The following TVP23A variants were observed in gnomAD, a reference collection of about 807,000 sequenced individuals.
TVP23A encodes trans-golgi network vesicle protein 23 homolog A.
Under a neutral mutation model 31.7 loss-of-function variants are expected in TVP23A, and 21 were observed. The ratio of observed to expected loss-of-function variants is 0.66; its 90% CI spans 0.47 to 0.95. The LOEUF is 0.95. Among genes scored for constraint, TVP23A ranks in the 40% least tolerant of loss-of-function variants. The probability of loss-of-function intolerance (pLI) is 0.00; values close to 1 mark genes in which losing one functional copy is unlikely to be tolerated. For synonymous variants in TVP23A, 104 were observed against 96.0 expected, an observed-to-expected ratio of 1.08 and a Z score of -0.49; for missense variants, 279 against 255.6, an observed-to-expected ratio of 1.09 and a Z score of -0.62.
chr16:10,790,537 G>A lies in TVP23A; in HGVS notation c.90-15441C>T, dbSNP rs533572638. On this transcript the variant is annotated intron_variant, in intron 2 of 7. Coordinates refer to ENST00000299866, the MANE Select transcript of TVP23A (RefSeq NM_001079512.4). The stretch of plus-strand genomic sequence containing the variant: ...CCTCACCTTGTGATCCGCCCGCCTC[G>A]GGCTCCCAAAGTGCTGGGATTACAG... Among the ~76,000 whole-genome samples, 10 of 152,102 alleles carry A rather than the reference G, an allele frequency of 6.6e-5. No homozygotes were observed. The South Asian group carries it at 1.2e-3, about 19-fold the overall frequency.
intron 2 of TVP23A, 199 bp from the exon 3 acceptor site, chr16:10,775,295 C>A: frequency 7.1e-7 from 1 of 1,403,072 alleles, no homozygotes. Flanking sequence ...GTCATGCTGA[C>A]ACTGTTTTTT....
At position 10,774,182 on chromosome 16, in the gene TVP23A, C is replaced by G. The variant is rs2031833014; in HGVS notation, c.235-54G>C. The G allele has an allele frequency of 2.2e-6, 3 of 1,375,968 alleles. No homozygotes were observed. In the Admixed American group the frequency reaches 6.2e-5, roughly 29 times the overall value. The allele number at this position is 1,375,968 out of a possible 1,614,324, so 85.2% of individuals were successfully genotyped here. The stretch of plus-strand genomic sequence containing the variant: ...CAGGTCACAGGCAAAGAGGCTTATT[C>G]ACTGTATTGATAAACAAAAGTTCCT... On this transcript the variant is annotated intron_variant, in intron 3 of 7. Transcript: ENST00000299866.
intron 2 of TVP23A, among the ~76,000 whole-genome samples, chr16:10,801,600 G>A (rs1167807634): frequency 6.6e-6 from 1 of 152,100 alleles, no homozygotes; most frequent in African/African-American, 2.4e-5. Context: ...GGGATTAGAA[G>A]CACATGCTAC....
Position 10,818,578 on chromosome 16 carries a change from C to G in TVP23A, c.-85G>C. 1 of 1,509,302 alleles carries G rather than the reference C, an allele frequency of 6.6e-7. No individual in the cohort carries two copies. Among genetic ancestry groups the G allele is most frequent in the Non-Finnish European group, 8.9e-7 (1 of 1,128,180 alleles). 93.5% of individuals were successfully genotyped at this position (1,509,302 alleles called of 1,614,324 possible). ...CTGAAGGGGTCGGACGCCGGGCGGG[C>G]GGATGTAGGCAGCAGACGGTGGACG... On this transcript the variant is annotated 5_prime_UTR_variant, in exon 1 of 8. Transcript: ENST00000299866. The surrounding 1 kb of genome is among the most constrained non-coding windows in gnomAD (Gnocchi z 4.7).
rs376701429 is a variant in TVP23A, at chr16:10,770,868, CAAAAAAAAAAAAAAA to C, written c.583-552_583-538del. On this transcript the variant is annotated intron_variant, in intron 6 of 7. Transcript: ENST00000299866. The stretch of plus-strand genomic sequence containing the variant: ...TGGGAGCAGAGTGAGACTCCCATCT[CAAAAAAAAAAAAAAA>C]AAAAAAAAAAAAATTGAAAAACCGT... 6.0e-5 allele frequency among the ~76,000 whole-genome samples: 4 copies of C among 66,482 alleles called. No homozygotes were observed. The East Asian group carries it at 1.7e-3, about 28-fold the overall frequency. The allele number at this position is 66,482 out of a possible 152,430, so 43.6% of individuals were successfully genotyped here. A position where few individuals can be genotyped will look rare whatever the true frequency, so the allele number is the denominator to read the frequency against.
intron 2 of TVP23A, among the ~76,000 whole-genome samples, chr16:10,797,995 T>A (rs1270422336): frequency 6.8e-6 from 1 of 146,242 alleles, no homozygotes; most frequent in Non-Finnish European, 1.5e-5. Context: ...TTGCTCTGTC[T>A]CCCAGGCTGG....
intron 2 of TVP23A, among the ~76,000 whole-genome samples, chr16:10,799,408 A>C (rs779331133): frequency 2.2e-4 from 33 of 152,152 alleles, no homozygotes; most frequent in Non-Finnish European, 3.5e-4. Flanking sequence ...ATCTTGGCTC[A>C]CTGCAACCTC....
rs150122994 is a variant in TVP23A at position 10,806,185 on chromosome 16, A to G, written c.89+11918T>C. Among the ~76,000 whole-genome samples, 159 of 152,308 alleles carry G rather than the reference A, an allele frequency of 1.0e-3. 2 individuals are homozygous for G. Among genetic ancestry groups the G allele is most frequent in the Admixed American group, 9.2e-3 (140 of 15,294 alleles). On this transcript the variant is annotated intron_variant, in intron 2 of 7. Coordinates refer to ENST00000299866, the MANE Select transcript of TVP23A (RefSeq NM_001079512.4). ...CAGTGACTCCTCGTCTCTACTAAAA[A>G]TACAAAATGTAGCCAGGCATGGTGA...
intron 2 of TVP23A, among the ~76,000 whole-genome samples, chr16:10,812,962 T>C (rs572595275): frequency 1.2e-3 from 185 of 152,118 alleles, no homozygotes; most frequent in African/African-American, 4.4e-3. Context: ...ACATACAGCA[T>C]GGCTAACATT....
At chr16:10,795,551 T>C (rs1056502100) in intron 2 of TVP23A, among the ~76,000 whole-genome samples, 1 of 152,044 alleles carries the variant, frequency 6.6e-6, no homozygotes, top group African/African-American at 2.4e-5. Context: ...GTGCCCGGCC[T>C]ATCTGACACT....
intron 2 of TVP23A, among the ~76,000 whole-genome samples, chr16:10,798,837 T>C (rs914635545): frequency 6.6e-6 from 1 of 152,068 alleles, no homozygotes. Context: ...CTAATTTTTG[T>C]ATTTTTAGAA....
intron 2 of TVP23A, among the ~76,000 whole-genome samples, chr16:10,801,009 A>G (rs896705464): frequency 8.5e-5 from 13 of 152,128 alleles, no homozygotes; most frequent in Admixed American, 8.5e-4. Flanking sequence ...TACTTTGTTA[A>G]AAAAACAGTA....
At chr16:10,789,881 G>T (rs1051852779) in intron 2 of TVP23A, among the ~76,000 whole-genome samples, 1 of 151,836 alleles carries the variant, frequency 6.6e-6, no homozygotes, top group Non-Finnish European at 1.5e-5. Context: ...TCAGAAAGGC[G>T]GGACAACTCA....
chr16:10,774,919 C>A (rs773483081), intron 3 of TVP23A, 33 bp downstream of exon 3: 2 of 1,595,892 alleles, frequency 1.3e-6, no homozygotes, highest in East Asian at 2.2e-5. Flanking sequence ...CCTCGTGTTT[C>A]GGAAGTGATG....
chr16:10,767,751 C>T lies in TVP23A; in HGVS notation c.*1351G>A, dbSNP rs1044032445. 10 of 589,428 alleles carry T rather than the reference C, an allele frequency of 1.7e-5. No homozygotes were observed. Among genetic ancestry groups the T allele is most frequent in the East Asian group, 2.9e-5 (1 of 34,838 alleles). The allele number at this position is 589,428 out of a possible 1,614,324, so 36.5% of individuals were successfully genotyped here. On this transcript the variant is annotated 3_prime_UTR_variant, in exon 8 of 8. Transcript: ENST00000299866. This position sits in a 1 kb window ranked among gnomAD's most constrained non-coding sequence, Gnocchi z 4.6. ...TGTACACCACCTGATTATTTAGCCA[C>T]GCTGAAATGCTGGCTGGGGACCCTG...
At chr16:10,810,956 C>T (rs182285902) in intron 2 of TVP23A, among the ~76,000 whole-genome samples, 16 of 152,328 alleles carry the variant, frequency 1.1e-4, no homozygotes, top group Admixed American at 9.2e-4. Flanking sequence ...AAATCTCTTT[C>T]TCCATACTTA....
intron 2 of TVP23A, among the ~76,000 whole-genome samples, chr16:10,796,856 G>A (rs2033417312): frequency 6.6e-6 from 1 of 152,172 alleles, no homozygotes; most frequent in Non-Finnish European, 1.5e-5. Context: ...CAAGGATAGG[G>A]ACGCTGGCTA....
chr16:10,759,140 C>T (rs1900768901), downstream of TVP23A, among the ~76,000 whole-genome samples: 1 of 152,252 alleles, frequency 6.6e-6, no homozygotes, highest in South Asian at 2.1e-4. This position sits in a 1 kb window ranked among gnomAD's most constrained non-coding sequence, Gnocchi z 4.7. Flanking sequence ...CCAGCACTCA[C>T]TGAGCTCTGA....
At chr16:10,794,554 T>A (rs902887180) in intron 2 of TVP23A, among the ~76,000 whole-genome samples, 14 of 152,040 alleles carry the variant, frequency 9.2e-5, no homozygotes, top group African/African-American at 3.1e-4. Flanking sequence ...ATAAGTGAGG[T>A]AGGAAGAGGA....
Sources: allele counts gnomAD v4.1 joint callset (sites outside exome capture counted in the v4.1 genomes callset), GRCh38; gene constraint gnomAD v4.1.1; non-coding constraint Gnocchi (gnomAD v3.1); transcripts MANE v1.5; gene names NCBI Gene and HGNC (gene_info 2026-07-23, HGNC 2026-07-21).